Variants in SLC6A13 observed in about 807,000 individuals in gnomAD.
SLC6A13 encodes sodium- and chloride-dependent GABA transporter 2.
A neutral mutation model predicts 72.9 loss-of-function variants in SLC6A13; 69 were observed. The ratio of observed to expected loss-of-function variants is 0.95; its 90% confidence interval spans 0.78 to 1.16. The LOEUF is 1.16. SLC6A13 is among the 50% of genes most tolerant of loss of function. The pLI is 0.00. For synonymous variants in SLC6A13, 303 were observed against 303.0 expected (o/e 1.00, Z 0.00); for missense variants, 735 against 760.5 (o/e 0.97, Z 0.39).
At chr12:229,447 T>C (rs1941612964) in intron 7 of SLC6A13, among the ~76,000 whole-genome samples, 1 of 152,228 alleles carries the variant, frequency 6.6e-6, no homozygotes, top group African/African-American at 2.4e-5. Context: ...CTCACTGACG[T>C]TGGCATGAAA....
chr12:227,518 A>C, intron 8 of SLC6A13, 47 bp downstream of exon 8: 1 of 1,611,228 alleles, frequency 6.2e-7, no homozygotes, highest in Non-Finnish European at 8.5e-7. Flanking sequence ...CTGGAAGGAC[A>C]GTAGAGAGAT....
chr12:242,687 C>G lies in SLC6A13; in HGVS notation c.405G>C (p.Trp135Cys). The G allele has an allele frequency of 6.2e-7, 1 of 1,611,890 alleles. No homozygotes were observed. The highest frequency in any genetic ancestry group is 8.5e-7 in the Non-Finnish European group (1 of 1,179,118). ...AGCTGCTGAAGAGGTAGAACAGGGCCCAGGCCAACACAATGATGTAGTAGA... is the reference window on the plus strand; with the variant it reads ...AGCTGCTGAAGAGGTAGAACAGGGCGCAGGCCAACACAATGATGTAGTAGA... ...LNVYYIIVLA[W>C]ALFYLFSSFT... Residue 135 changes from tryptophan to cysteine, a missense_variant, in exon 4 of 15, where the codon TGG becomes TGC. Transcript: ENST00000343164.
rs370287041 is a variant in SLC6A13, at chr12:243,649, C to A, written c.337+30G>T. ...CAAGGTTTATAACCACGAATGAAGACGCTTTGGAGTCAGGTACAGAGCTAC... is the reference window on the plus strand; with the variant it reads ...CAAGGTTTATAACCACGAATGAAGAAGCTTTGGAGTCAGGTACAGAGCTAC... On this transcript the variant is annotated intron_variant, in intron 3 of 14. Transcript: ENST00000343164. The A allele has an allele frequency of 5.0e-6, 8 of 1,600,390 alleles. No individual in the cohort carries two copies. The South Asian group carries it at 9.0e-5, about 18-fold the overall frequency.
At chr12:261,585 C>G (rs1942927842) in intron 1 of SLC6A13, among the ~76,000 whole-genome samples, 1 of 152,206 alleles carries the variant, frequency 6.6e-6, no homozygotes, top group African/African-American at 2.4e-5. Flanking sequence ...CAGCAGTAAC[C>G]TCTTCTGGCC....
chr12:236,081 G>A (rs1941920536), intron 6 of SLC6A13, among the ~76,000 whole-genome samples: 1 of 152,164 alleles, frequency 6.6e-6, no homozygotes, highest in South Asian at 2.1e-4. Context: ...ACCCTTATTA[G>A]TAGTTCTGTT....
rs1565488124 is a variant in SLC6A13 at position 224,000 on chromosome 12, G to A, written c.1303C>T (p.Leu435Phe). ...GCTTCCCAGGCCCTCACCTCTGTGA[G>A]CATGATCAGCCCCACAAGGAAGGAG... Reference protein sequence around the residue: ...VVSFLVGLIMLTEGGMYVFQL... With the variant: ...VVSFLVGLIMFTEGGMYVFQL... Residue 435 changes from leucine to phenylalanine, a missense_variant, in exon 11 of 15, where the codon CTC (leucine) becomes TTC (phenylalanine). Physicochemically the swap from Leu to Phe is conservative, Grantham distance 22. Transcript: ENST00000343164. 1 of 1,612,684 alleles carries A rather than the reference G, an allele frequency of 6.2e-7. No homozygotes were observed. The highest frequency in any genetic ancestry group is 2.2e-5 in the East Asian group (1 of 44,692).
chr12:259,629 A>G (rs1357656566), intron 2 of SLC6A13: 8 of 1,427,508 alleles, frequency 5.6e-6, no homozygotes, highest in Admixed American at 2.8e-5. Context: ...GCTTGTGCTC[A>G]TATTTCTACG....
At chr12:231,164 C>T (rs1406765364) in intron 7 of SLC6A13, among the ~76,000 whole-genome samples, 1 of 152,210 alleles carries the variant, frequency 6.6e-6, no homozygotes, top group Non-Finnish European at 1.5e-5. Flanking sequence ...GCACACGCTC[C>T]AGCAGAGCCC....
At chr12:223,765 C>A in intron 11 of SLC6A13, 1 of 553,072 alleles carries the variant, frequency 1.8e-6, no homozygotes, top group South Asian at 2.2e-5. Flanking sequence ...TACTGTGGAG[C>A]CAAATGGCTC....
chr12:244,502 A>C (rs1942281506), intron 2 of SLC6A13, among the ~76,000 whole-genome samples: 1 of 152,048 alleles, frequency 6.6e-6, no homozygotes, highest in African/African-American at 2.4e-5. Context: ...CAGCCTGGGC[A>C]ACATGGGAAA....
chr12:221,222 A>ACTT lies in SLC6A13; in HGVS notation c.1686+151_1686+153dup, dbSNP rs933914299. 9.8e-6 allele frequency: 13 copies of ACTT among 1,320,048 alleles called. No individual in the cohort carries two copies. The African/African-American group carries it at 1.6e-4, about 17-fold the overall frequency. The allele number at this position is 1,320,048 out of a possible 1,614,324, so 81.8% of individuals were successfully genotyped here. The stretch of plus-strand genomic sequence containing the variant: ...GGGAGTCCCCCTGTGTCTTCCCGAG[A>ACTT]CTTCTCAGCAGCCACTCTATCGCTC... On this transcript the variant is annotated intron_variant, in intron 14 of 14. Transcript: ENST00000343164.
intron 4 of SLC6A13, 151 bp downstream of exon 4, chr12:242,463 A>T: frequency 1.7e-6 from 1 of 587,250 alleles, no homozygotes; most frequent in Non-Finnish European, 2.8e-6. Context: ...ACGCTGGTGA[A>T]TTCTTGATCT....
At chr12:226,931 G>T (rs1941483493) in intron 8 of SLC6A13, 4 of 172,416 alleles carry the variant, frequency 2.3e-5, no homozygotes, top group Admixed American at 1.7e-4. Context: ...ATTCAATTTT[G>T]AGAGGCACCA....
At chr12:242,797 G>A (rs990674927) in intron 3 of SLC6A13, 43 bp from the exon 4 acceptor site, 21 of 1,547,092 alleles carry the variant, frequency 1.4e-5, no homozygotes, top group East Asian at 2.4e-5. Context: ...GGTGGACAGC[G>A]GTGGCGTGCA....
chr12:227,758 C>T, intron 7 of SLC6A13, 90 bp from the exon 8 acceptor site: 1 of 1,130,456 alleles, frequency 8.8e-7, no homozygotes, highest in Non-Finnish European at 1.3e-6. Context: ...CTGAGCCAGA[C>T]ACTGGCTAGG....
Position 221,467 on chromosome 12 carries a change from G to A in SLC6A13, c.1595C>T (p.Ala532Val), listed in dbSNP as rs772380932. The A allele has an allele frequency of 2.5e-6, 4 of 1,613,770 alleles. No individual in the cohort carries two copies. The highest frequency in any genetic ancestry group is 3.4e-6 in the Non-Finnish European group (4 of 1,179,850). Residue 532 changes from alanine to valine, a missense_variant, in exon 14 of 15, where the codon GCC becomes GTC. By Grantham distance (64) the Ala-to-Val change is moderately conservative. Coordinates refer to ENST00000343164, the MANE Select transcript of SLC6A13 (RefSeq NM_016615.5). Reference protein sequence around the residue: ...KKYTYPWWGDALGWLLALSSM... With the variant: ...KKYTYPWWGDVLGWLLALSSM... ...GGACAGAGCCAGGAGCCAGCCCAGG[G>A]CATCGCCCCACCACGGGTACGTGTA...
chr12:227,658 T>A lies in SLC6A13; in HGVS notation c.842A>T (p.Asp281Val), dbSNP rs762659082. Residue 281 changes from aspartate (D) to valine (V), a missense_variant, in exon 8 of 15, where the codon GAT becomes GTT. Physicochemically the swap from Asp to Val is radical, Grantham distance 152 (BLOSUM62 -3). Transcript: ENST00000343164. ...TRLWDPQVWM[D>V]AGTQIFFSFA... is the part of the protein sequence containing the mutation. ...GGAGAAGAATATCTGGGTGCCTGCA[T>A]CCATCCACACCTACAAAGGGGAAGG... is the stretch of plus-strand genomic sequence containing the variant. 8 of 1,608,306 alleles carry A rather than the reference T, an allele frequency of 5.0e-6. No homozygotes were observed. Among genetic ancestry groups the A allele is most frequent in the Non-Finnish European group, 5.9e-6 (7 of 1,176,656 alleles).
chr12:238,175 A>G (rs1942010895), intron 4 of SLC6A13, 165 bp from the exon 5 acceptor site: 1 of 1,533,996 alleles, frequency 6.5e-7, no homozygotes, highest in Non-Finnish European at 8.7e-7. Context: ...AATAACCTCA[A>G]CAAATGCAGC....
rs773313714 is a variant in SLC6A13, at chr12:226,396, C to G, written c.1054G>C (p.Glu352Gln). Residue 352 changes from glutamate to glutamine, a missense_variant, in exon 9 of 15, where the codon GAG (glutamate) becomes CAG (glutamine). By Grantham distance (29) the Glu-to-Gln change is conservative. Coordinates refer to ENST00000343164, the MANE Select transcript of SLC6A13 (RefSeq NM_016615.5). The part of the protein sequence containing the change: ...EQGVPISEVA[E>Q]SGPGLAFIAY... ...CCTCCCCAGTAACACTCACCTGACT[C>G]GGCCACCTCAGAAATGGGCACCCCC... is the stretch of plus-strand genomic sequence containing the variant. 15 of 1,613,794 alleles carry G rather than the reference C, an allele frequency of 9.3e-6. No individual in the cohort carries two copies. The highest frequency in any genetic ancestry group is 1.3e-5 in the Non-Finnish European group (15 of 1,179,834).
Sources: allele counts gnomAD v4.1 joint callset (sites outside exome capture counted in the v4.1 genomes callset), GRCh38; gene constraint gnomAD v4.1.1; transcripts MANE v1.5; gene names NCBI Gene and HGNC (gene_info 2026-07-23, HGNC 2026-07-21).